The following COL23A1 variants were observed in gnomAD, a reference collection of about 807,000 sequenced individuals.
COL23A1 encodes the protein collagen alpha-1(XXIII) chain.
A neutral mutation model predicts 99.3 loss-of-function variants in COL23A1; 97 were observed. The ratio of observed to expected loss-of-function variants is 0.98; its 90% CI spans 0.83 to 1.16. COL23A1 has a LOEUF of 1.16. Ranked by LOEUF, COL23A1 falls within the 50% of genes most tolerant of loss-of-function variation. The pLI, the probability that COL23A1 is intolerant of heterozygous loss-of-function variation, is 0.00. For synonymous variants in COL23A1, 320 were observed against 308.2 expected (o/e 1.04, Z -0.40); for missense variants, 762 against 757.4 (o/e 1.01, Z -0.07).
Position 178,248,272 on chromosome 5 carries a change from C to T in COL23A1, c.1150-18G>A, listed in dbSNP as rs374679924. 1.1e-4 allele frequency: 173 copies of T among 1,604,644 alleles called. No homozygotes were observed. The highest frequency in any genetic ancestry group is 1.3e-4 in the South Asian group (12 of 90,674). ...TCAGCGCCCTGCAGGACGGCAATGG[C>T]CTGTGAGTCCTTTGTGTCCAGCACC... On this transcript the variant is annotated intron_variant, in intron 19 of 28. Coordinates refer to ENST00000390654, the MANE Select transcript of COL23A1 (RefSeq NM_173465.4).
chr5:178,313,638 A>G lies in COL23A1; in HGVS notation c.362-6719T>C, dbSNP rs1758823963. ...TCTGTGTGTGATTTCCAGTGTGACC[A>G]TGGCCAAGATTTTCTCATCCCACCA... On this transcript the variant is annotated intron_variant, in intron 2 of 28. Transcript: ENST00000390654. The surrounding 1 kb of genome is among the most constrained non-coding windows in gnomAD (Gnocchi z 4.2). Among the ~76,000 whole-genome samples, 1 of 152,172 alleles carries G rather than the reference A, an allele frequency of 6.6e-6. No homozygotes were observed. Among genetic ancestry groups the G allele is most frequent in the East Asian group, 1.9e-4 (1 of 5,186 alleles).
chr5:178,293,201 TGA>T (rs1361457629), intron 3 of COL23A1, among the ~76,000 whole-genome samples: 1 of 151,390 alleles, frequency 6.6e-6, no homozygotes, highest in African/African-American at 2.4e-5. Flanking sequence ...GTTTGTAGGA[TGA>T]GAGTGGTCCA....
intron 1 of COL23A1, among the ~76,000 whole-genome samples, chr5:178,587,547 C>T (rs2113766821): frequency 6.6e-6 from 1 of 152,280 alleles, no homozygotes; most frequent in East Asian, 1.9e-4. Context: ...TCTCTGGAAA[C>T]AAGTTTGCTG....
At chr5:178,444,443 A>T (rs1767050137) in intron 2 of COL23A1, among the ~76,000 whole-genome samples, 1 of 151,972 alleles carries the variant, frequency 6.6e-6, no homozygotes, top group Non-Finnish European at 1.5e-5. Flanking sequence ...TGTGTCTCTT[A>T]TTTTCAAAAT....
intron 2 of COL23A1, among the ~76,000 whole-genome samples, chr5:178,326,567 A>T (rs1330647649): frequency 6.6e-6 from 1 of 152,098 alleles, no homozygotes; most frequent in Admixed American, 6.5e-5. Context: ...CCACGCAGGC[A>T]TCTCTCCAGT....
chr5:178,465,482 A>G (rs1357212571), intron 2 of COL23A1, among the ~76,000 whole-genome samples: 1 of 152,198 alleles, frequency 6.6e-6, no homozygotes, highest in Non-Finnish European at 1.5e-5. Flanking sequence ...AGAGGCAGAT[A>G]ACCCCTCTGA....
intron 2 of COL23A1, among the ~76,000 whole-genome samples, chr5:178,490,707 T>A (rs1334811994): frequency 1.3e-5 from 2 of 151,282 alleles, no homozygotes; most frequent in African/African-American, 4.9e-5. Context: ...GGCCTGGGAG[T>A]TTGAGACTGC....
In COL23A1 at chr5:178,389,822, C is replaced by T. The variant is rs369604050; in HGVS notation, c.362-82903G>A. 2.6e-5 allele frequency among the ~76,000 whole-genome samples: 4 copies of T among 152,158 alleles called. No homozygotes were observed. The East Asian group carries it at 7.7e-4, about 29-fold the overall frequency. On this transcript the variant is annotated intron_variant, in intron 2 of 28. Coordinates refer to ENST00000390654, the MANE Select transcript of COL23A1 (RefSeq NM_173465.4). ...ATGAATATACAAAGCTGACTGCTTG[C>T]GTGACGGGTGGGCACATGCAGGCAG... is the stretch of plus-strand genomic sequence containing the variant.
intron 1 of COL23A1, among the ~76,000 whole-genome samples, chr5:178,561,184 C>T (rs1762542101): frequency 6.6e-6 from 1 of 152,204 alleles, no homozygotes; most frequent in Non-Finnish European, 1.5e-5. Context: ...CCCGGGAAGT[C>T]CCAAAACCCC....
chr5:178,421,003 G>A (rs1765606832), intron 2 of COL23A1, among the ~76,000 whole-genome samples: 1 of 152,014 alleles, frequency 6.6e-6, no homozygotes, highest in South Asian at 2.1e-4. Flanking sequence ...GAGCCGCAGG[G>A]CCCAGCCCAG....
At chr5:178,474,789 C>T (rs1259944916) in intron 2 of COL23A1, among the ~76,000 whole-genome samples, 1 of 152,186 alleles carries the variant, frequency 6.6e-6, no homozygotes, top group Non-Finnish European at 1.5e-5. Context: ...AGATTATAAA[C>T]CATAAACTAG....
intron 2 of COL23A1, among the ~76,000 whole-genome samples, chr5:178,559,649 G>C (rs1010982475): frequency 1.5e-5 from 2 of 137,372 alleles, no homozygotes; most frequent in African/African-American, 5.9e-5. Flanking sequence ...CCTGCACGTC[G>C]AGAAGTCTGA....
rs553616368 is a variant in COL23A1, at chr5:178,393,338, A to G, written c.362-86419T>C. On this transcript the variant is annotated intron_variant, in intron 2 of 28. Transcript: ENST00000390654. ...GAGCCAAGCCAGGGTACTCCAAGTCATAAAGATGGGAAGTAAATGGTGGGT... is the reference window on the plus strand; with the variant it reads ...GAGCCAAGCCAGGGTACTCCAAGTCGTAAAGATGGGAAGTAAATGGTGGGT... 7.9e-5 allele frequency among the ~76,000 whole-genome samples: 12 copies of G among 152,306 alleles called. No homozygotes were observed. In the South Asian group the frequency reaches 2.5e-3, roughly 32 times the overall value.
chr5:178,371,617 G>A (rs962441535), intron 2 of COL23A1, among the ~76,000 whole-genome samples: 4 of 152,166 alleles, frequency 2.6e-5, no homozygotes, highest in Non-Finnish European at 5.9e-5. Flanking sequence ...CCTTTGTGGC[G>A]CCCTGCCTGG....
chr5:178,443,004 G>A (rs1403940317), intron 2 of COL23A1: 1 of 152,252 alleles, frequency 6.6e-6, no homozygotes, highest in African/African-American at 2.4e-5. Flanking sequence ...GGGAATTTAA[G>A]GGCCCTGAAA....
chr5:178,542,320 C>T lies in COL23A1; in HGVS notation c.361+18362G>A, dbSNP rs149832922. ...TGCTGGGATTACAAAAGTGAGCCAC[C>T]GTGCCCGGCCCTGTAGCTGGTTACA... On this transcript the variant is annotated intron_variant, in intron 2 of 28. Transcript: ENST00000390654. Among the ~76,000 whole-genome samples, 876 of 152,240 alleles carry T rather than the reference C, an allele frequency of 5.8e-3. 7 individuals are homozygous for T. The highest frequency in any genetic ancestry group is 9.1e-3 in the African/African-American group (376 of 41,536).
intron 2 of COL23A1, among the ~76,000 whole-genome samples, chr5:178,537,188 C>T (rs1232314235): frequency 6.6e-6 from 1 of 151,492 alleles, no homozygotes; most frequent in African/African-American, 2.4e-5. Context: ...CACCCCTGAC[C>T]ACCCGTGTCC....
intron 2 of COL23A1, among the ~76,000 whole-genome samples, chr5:178,422,652 C>A (rs1765697921): frequency 6.6e-6 from 1 of 152,168 alleles, no homozygotes. Flanking sequence ...CACGTGGTCG[C>A]CATCCATCAG....
chr5:178,256,914 G>A lies in COL23A1; in HGVS notation c.789C>T (p.Ser263=). Residue 263 remains serine, a synonymous_variant, in exon 14 of 29, where the codon AGC becomes AGT. Transcript: ENST00000390654. ...CACCGTTCTCTCCCCGAGGCCCCAT[G>A]CTCCCTGGCTCGCCCTGAAACAGAC... The part of the protein sequence containing the change: ...GPPGPKGEPG[S]MGPRGENGVD... 6.2e-7 allele frequency: 1 copy of A among 1,613,586 alleles called. No homozygotes were observed.
Sources: allele counts gnomAD v4.1 joint callset (sites outside exome capture counted in the v4.1 genomes callset), GRCh38; gene constraint gnomAD v4.1.1; non-coding constraint Gnocchi (gnomAD v3.1); transcripts MANE v1.5; gene names NCBI Gene and HGNC (gene_info 2026-07-23, HGNC 2026-07-21).